SNCAIP: variants seen among roughly 807,000 people sequenced by gnomAD.
The protein encoded by SNCAIP is synuclein alpha interacting protein.
SNCAIP carries 43 observed loss-of-function variants against 86.7 expected under a neutral mutation model. The observed-to-expected ratio is 0.50, with a 90% CI of 0.39 to 0.64. The LOEUF (loss-of-function observed/expected upper bound fraction) is 0.64, where lower values mean the gene tolerates loss of function less well. Among genes scored for constraint, SNCAIP ranks in the 30% least tolerant of loss-of-function variants. The probability of loss-of-function intolerance (pLI) is 0.00; values close to 1 mark genes in which losing one functional copy is unlikely to be tolerated. For synonymous variants in SNCAIP, 417 were observed against 427.2 expected (o/e 0.98, Z 0.29); for missense variants, 981 against 1,103.1 (o/e 0.89, Z 1.57).
Position 122,423,624 on chromosome 5 carries a change from A to C in SNCAIP, c.887A>C (p.Glu296Ala). Residue 296 changes from glutamate (E) to alanine (A), a missense_variant, in exon 4 of 11, where the codon GAG (glutamate) becomes GCG (alanine). Coordinates refer to ENST00000261368, the MANE Select transcript of SNCAIP (RefSeq NM_005460.4). The stretch of plus-strand genomic sequence containing the variant: ...TCAGCAGCAGAATCCAAACCAGAAG[A>C]GCAGGTCAGTGGCCTAAACCGGACC... ...QSSAAESKPEEQVSGLNRTSS... is the reference protein window; with the variant it reads ...QSSAAESKPEAQVSGLNRTSS... The C allele has an allele frequency of 6.2e-7, 1 of 1,613,842 alleles. No individual in the cohort carries two copies. The highest frequency in any genetic ancestry group is 1.1e-5 in the South Asian group (1 of 91,084).
intron 1 of SNCAIP, among the ~76,000 whole-genome samples, chr5:122,334,043 A>G (rs1284233360): frequency 1.3e-5 from 2 of 152,226 alleles, no homozygotes; most frequent in Non-Finnish European, 2.9e-5. Context: ...GAATCAAATC[A>G]TGAGTCAAAC....
In SNCAIP at chr5:122,422,971, G is replaced by A; in HGVS notation, c.234G>A (p.Arg78=). The A allele has an allele frequency of 6.2e-7, 1 of 1,614,150 alleles. No individual in the cohort carries two copies. The highest frequency in any genetic ancestry group is 8.5e-7 in the Non-Finnish European group (1 of 1,180,004). The change falls in exon 4 of 11, where the codon CGG becomes CGA. Residue 78 remains arginine (R), a synonymous_variant. Coordinates refer to ENST00000261368, the MANE Select transcript of SNCAIP (RefSeq NM_005460.4). The part of the protein sequence containing the change: ...DVYSKFRPVK[R]VSPLKHQPET... ...ACAGTAAGTTCCGCCCAGTGAAGCG[G>A]GTTTCGCCACTGAAACATCAGCCAG...
intron 10 of SNCAIP, among the ~76,000 whole-genome samples, chr5:122,454,760 C>G (rs1204914267): frequency 6.6e-6 from 1 of 152,190 alleles, no homozygotes; most frequent in Non-Finnish European, 1.5e-5. Context: ...GGGAAGAATA[C>G]TTCTTATTTC....
chr5:122,394,418 T>G (rs1770136122), intron 2 of SNCAIP, among the ~76,000 whole-genome samples: 1 of 152,216 alleles, frequency 6.6e-6, no homozygotes, highest in African/African-American at 2.4e-5. Context: ...TTTTGAAGTT[T>G]CCCAGACTAG....
At chr5:122,327,664 C>G (rs956458164) in intron 1 of SNCAIP, among the ~76,000 whole-genome samples, 1 of 152,194 alleles carries the variant, frequency 6.6e-6, no homozygotes, top group African/African-American at 2.4e-5. Context: ...TTTCCTGAGG[C>G]CTTCCCAGTC....
At position 122,440,630 on chromosome 5, in the gene SNCAIP, A is replaced by G. The variant is rs774436457; in HGVS notation, c.1298A>G (p.Glu433Gly). 7.4e-6 allele frequency: 12 copies of G among 1,613,508 alleles called. No homozygotes were observed. Among genetic ancestry groups the G allele is most frequent in the South Asian group, 2.2e-5 (2 of 91,074 alleles). The change falls in exon 7 of 11, where the codon GAA becomes GGA. Residue 433 changes from glutamate to glycine, a missense_variant and splice_region_variant. Glu to Gly is a moderately conservative substitution (Grantham distance 98). Coordinates refer to ENST00000261368, the MANE Select transcript of SNCAIP (RefSeq NM_005460.4). ...LIHYAGCYGQ[E>G]KILLWLLQFM... Reference sequence around the variant, plus strand: ...TTCCAACTGTCTTTGTGTTTATAGGAAAAGATTCTTCTGTGGCTTCTTCAG... The same window carrying G: ...TTCCAACTGTCTTTGTGTTTATAGGGAAAGATTCTTCTGTGGCTTCTTCAG...
rs76179322 is a variant in SNCAIP, at chr5:122,427,432, T to G, written c.1182+1901T>G. Among the ~76,000 whole-genome samples, 639 of 152,166 alleles carry G rather than the reference T, an allele frequency of 4.2e-3. 2 individuals carry two copies. Among genetic ancestry groups the G allele is most frequent in the African/African-American group, 0.014 (578 of 41,538 alleles). On this transcript the variant is annotated intron_variant, in intron 5 of 10. Transcript: ENST00000261368. ...TTTCAAACCCATAAGACTCAAAAAC[T>G]TTTACAGGTTTGAGGTCTCAGGCTT... is the stretch of plus-strand genomic sequence containing the variant.
Position 122,316,344 on chromosome 5 carries a change from T to C in SNCAIP, c.-47+4060T>C, listed in dbSNP as rs57531816. ...CACCTTTGACTTAATTTGAGTGGCA[T>C]CCACACTCCTGAGCCAGTAGCACTG... On this transcript the variant is annotated intron_variant, in intron 1 of 10. Coordinates refer to ENST00000261368, the MANE Select transcript of SNCAIP (RefSeq NM_005460.4). 4.6e-5 allele frequency among the ~76,000 whole-genome samples: 7 copies of C among 152,116 alleles called. No individual in the cohort carries two copies. The East Asian group carries it at 1.2e-3, about 25-fold the overall frequency.
chr5:122,314,124 C>A (rs1751220659), intron 1 of SNCAIP, among the ~76,000 whole-genome samples: 1 of 152,186 alleles, frequency 6.6e-6, no homozygotes, highest in African/African-American at 2.4e-5. Flanking sequence ...TTTCCTAATT[C>A]CAGACAGTTG....
chr5:122,406,717 A>G (rs556662171), intron 3 of SNCAIP, among the ~76,000 whole-genome samples: 2 of 152,280 alleles, frequency 1.3e-5, no homozygotes, highest in African/African-American at 2.4e-5. Context: ...GCCGTCTGCC[A>G]TAATTGGAAG....
intron 1 of SNCAIP, among the ~76,000 whole-genome samples, chr5:122,337,499 ATC>A (rs1756727284): frequency 6.6e-6 from 1 of 151,776 alleles, no homozygotes; most frequent in Admixed American, 6.6e-5. Context: ...CTCTGAGACA[ATC>A]TGTTTCCTCT....
intron 1 of SNCAIP, among the ~76,000 whole-genome samples, chr5:122,332,381 A>G (rs544530501): frequency 6.6e-6 from 1 of 152,368 alleles, no homozygotes; most frequent in African/African-American, 2.4e-5. Flanking sequence ...GGGAAAGAGG[A>G]GAAAATCCAT....
intron 1 of SNCAIP, among the ~76,000 whole-genome samples, chr5:122,368,922 G>C (rs1763716142): frequency 6.6e-6 from 1 of 152,054 alleles, no homozygotes; most frequent in Non-Finnish European, 1.5e-5. Context: ...TAAGAGATTT[G>C]GTAATTCCTT....
intron 1 of SNCAIP, among the ~76,000 whole-genome samples, chr5:122,361,176 GAA>G (rs749754936): frequency 0.015 from 1,318 of 87,574 alleles, 29 homozygotes; most frequent in Admixed American, 0.057. Flanking sequence ...AGTCATTTTT[GAA>G]AAAAAAAAAA....
At chr5:122,351,200 C>T (rs1215689002) in intron 1 of SNCAIP, among the ~76,000 whole-genome samples, 1 of 151,824 alleles carries the variant, frequency 6.6e-6, no homozygotes, top group Non-Finnish European at 1.5e-5. Flanking sequence ...CATCTTCTTT[C>T]CCTCATTAAT....
chr5:122,359,721 C>T (rs1022602541), intron 1 of SNCAIP, among the ~76,000 whole-genome samples: 2 of 151,970 alleles, frequency 1.3e-5, no homozygotes, highest in Non-Finnish European at 2.9e-5. Flanking sequence ...ATGCCTCACT[C>T]CAGAAAGCGT....
At chr5:122,344,291 A>G (rs1208834260) in intron 1 of SNCAIP, among the ~76,000 whole-genome samples, 1 of 152,228 alleles carries the variant, frequency 6.6e-6, no homozygotes, top group African/African-American at 2.4e-5. Context: ...TGCTGTAAAA[A>G]GATAGATTGA....
chr5:122,414,502 T>C lies in SNCAIP; in HGVS notation c.131-8366T>C, dbSNP rs867122332. On this transcript the variant is annotated intron_variant, in intron 3 of 10. Transcript: ENST00000261368. ...CACCTTAGCCTCCAAAGTGCTGGAA[T>C]TACTAGCGTGAGCCACCTTGCCCAG... Among the ~76,000 whole-genome samples the C allele has an allele frequency of 3.3e-5, 5 of 152,162 alleles. No homozygotes were observed. The South Asian group carries it at 6.2e-4, about 19-fold the overall frequency.
intron 2 of SNCAIP, among the ~76,000 whole-genome samples, chr5:122,398,934 G>A (rs764601125): frequency 6.6e-5 from 10 of 152,218 alleles, no homozygotes; most frequent in South Asian, 2.1e-4. Flanking sequence ...ACTGACTGGC[G>A]TAGGCTGGGA....
Sources: gnomAD v4.1 joint callset for allele counts (sites outside exome capture counted in the v4.1 genomes callset) on GRCh38, gnomAD v4.1.1 for gene constraint, MANE v1.5 for transcripts, NCBI Gene and HGNC (gene_info 2026-07-23, HGNC 2026-07-21) for gene names.